The following AXDND1 variants were observed in gnomAD, a reference collection of about 807,000 sequenced individuals.
AXDND1 encodes the protein axonemal dynein light chain domain-containing protein 1.
In AXDND1, 110 loss-of-function variants were observed where a neutral mutation model predicts 137.5. The observed-to-expected ratio is 0.80, with a 90% CI of 0.69 to 0.94. AXDND1 has a LOEUF of 0.94. AXDND1 is among the 40% of genes least tolerant of loss of function. The probability of loss-of-function intolerance (pLI) is 0.00; values close to 1 mark genes in which losing one functional copy is unlikely to be tolerated. For missense variants in AXDND1, 1,191 were observed against 1,169.8 expected, an observed-to-expected ratio of 1.02 and a Z score of -0.26; for synonymous variants, 414 against 399.7, an observed-to-expected ratio of 1.04 and a Z score of -0.43.
intron 20 of AXDND1, among the ~76,000 whole-genome samples, chr1:179,496,861 T>A (rs1291446742): frequency 6.6e-6 from 1 of 152,134 alleles, no homozygotes; most frequent in East Asian, 1.9e-4. Flanking sequence ...ACTTTCTGTT[T>A]TAGCTGCATC....
At chr1:179,413,189 ACAAT>A (rs34148402) in intron 12 of AXDND1, among the ~76,000 whole-genome samples, 50,037 of 151,836 alleles carry the variant, frequency 0.33, 8,642 homozygotes, top group Middle Eastern at 0.43. Context: ...TACCCTCATG[ACAAT>A]CAAGGTAATA....
intron 15 of AXDND1, among the ~76,000 whole-genome samples, chr1:179,435,757 C>G (rs1447887154): frequency 6.6e-6 from 1 of 152,092 alleles, no homozygotes; most frequent in Non-Finnish European, 1.5e-5. Flanking sequence ...CTAGGCAATA[C>G]CATTCAGGAC....
At chr1:179,509,239 G>A in intron 20 of AXDND1, 57 bp from the exon 21 acceptor site, 1 of 1,053,584 alleles carries the variant, frequency 9.5e-7, no homozygotes, top group Non-Finnish European at 1.5e-6. Flanking sequence ...TTCCTCAATA[G>A]CGGTGAGTGA....
intron 16 of AXDND1, chr1:179,456,899 G>T (rs1347032432): frequency 2.3e-5 from 23 of 1,015,178 alleles, no homozygotes; most frequent in Non-Finnish European, 3.5e-5. Flanking sequence ...CAAAGGCAAA[G>T]CCTCTTTTCT....
At chr1:179,520,935 T>C (rs1260434763) in intron 21 of AXDND1, among the ~76,000 whole-genome samples, 1 of 107,386 alleles carries the variant, frequency 9.3e-6, no homozygotes, top group East Asian at 2.9e-4. Flanking sequence ...ATATAATCAA[T>C]TTCTGTATTT....
intron 4 of AXDND1, among the ~76,000 whole-genome samples, chr1:179,374,967 T>A (rs899810577): frequency 6.6e-6 from 1 of 151,064 alleles, no homozygotes; most frequent in Non-Finnish European, 1.5e-5. Flanking sequence ...CCCTAGAACT[T>A]AAAGTATAAT....
intron 15 of AXDND1, among the ~76,000 whole-genome samples, chr1:179,437,848 A>G (rs552249153): frequency 2.0e-5 from 3 of 152,252 alleles, no homozygotes; most frequent in East Asian, 3.9e-4. Context: ...TTGTTTTGCA[A>G]TTCACCAATA....
chr1:179,514,864 C>G (rs961580241), intron 21 of AXDND1, among the ~76,000 whole-genome samples: 2 of 152,108 alleles, frequency 1.3e-5, no homozygotes, highest in African/African-American at 4.8e-5. Context: ...TTTGTTTTGT[C>G]TGATATAAGA....
Position 179,379,427 on chromosome 1 carries a change from G to A in AXDND1, c.526G>A (p.Glu176Lys). ...PKTLTDTLIP[E>K]EFHIVSSTGV... ...GACACTAACAGATACTTTGATTCCT[G>A]AAGAATTTCATATTGTGTCAAGTAC... Residue 176 changes from glutamate (E) to lysine (K), a missense_variant, in exon 6 of 26, where the codon GAA becomes AAA. Physicochemically the swap from Glu to Lys is moderately conservative, Grantham distance 56. Transcript: ENST00000367618. 6.2e-7 allele frequency: 1 copy of A among 1,613,512 alleles called. No homozygotes were observed. The highest frequency in any genetic ancestry group is 8.5e-7 in the Non-Finnish European group (1 of 1,179,726).
intron 12 of AXDND1, among the ~76,000 whole-genome samples, chr1:179,419,646 A>AGGGAGAGGGAG (rs1655363665): frequency 2.9e-4 from 1 of 3,396 alleles, no homozygotes; most frequent in Non-Finnish European, 8.0e-4. Context: ...GGAGAGGGAG[A>AGGGAGAGGGAG]GGGGGAGGGG....
chr1:179,457,590 A>G (rs981421801), intron 16 of AXDND1, among the ~76,000 whole-genome samples: 3 of 152,150 alleles, frequency 2.0e-5, no homozygotes, highest in Non-Finnish European at 2.9e-5. Flanking sequence ...TTCGTATTTC[A>G]TATAGCCAGT....
At chr1:179,415,458 T>G (rs940797738) in intron 12 of AXDND1, among the ~76,000 whole-genome samples, 14 of 152,208 alleles carry the variant, frequency 9.2e-5, no homozygotes, top group Non-Finnish European at 1.8e-4. Context: ...ATAAACATAT[T>G]AGAAGAAATT....
intron 12 of AXDND1, among the ~76,000 whole-genome samples, chr1:179,429,044 G>T (rs1465833856): frequency 6.6e-6 from 1 of 152,096 alleles, no homozygotes; most frequent in Non-Finnish European, 1.5e-5. Context: ...AGGCATCGTG[G>T]TGGGTGCCTG....
chr1:179,491,760 G>A, intron 19 of AXDND1, 23 bp downstream of exon 19: 4 of 1,508,322 alleles, frequency 2.7e-6, no homozygotes, highest in Non-Finnish European at 3.5e-6. Flanking sequence ...TTTTATTGTT[G>A]CCCTTTTGAA....
At chr1:179,401,419 T>TA (rs1443803963) in intron 11 of AXDND1, among the ~76,000 whole-genome samples, 1 of 152,214 alleles carries the variant, frequency 6.6e-6, no homozygotes, top group African/African-American at 2.4e-5. Flanking sequence ...CATCTTGTTT[T>TA]ATATCTCTTT....
intron 21 of AXDND1, among the ~76,000 whole-genome samples, chr1:179,515,513 T>C (rs1006796195): frequency 6.6e-6 from 1 of 152,156 alleles, no homozygotes; most frequent in Non-Finnish European, 1.5e-5. Flanking sequence ...GATTCTTTTC[T>C]TCGTCTTAAC....
chr1:179,368,306 C>A (rs1050613821), intron 2 of AXDND1, among the ~76,000 whole-genome samples: 1 of 152,186 alleles, frequency 6.6e-6, no homozygotes, highest in Non-Finnish European at 1.5e-5. Flanking sequence ...CCAGTTCCAT[C>A]TTTACTTTTA....
At chr1:179,540,839 A>G (rs1672064411) in intron 25 of AXDND1, among the ~76,000 whole-genome samples, 1 of 152,212 alleles carries the variant, frequency 6.6e-6, no homozygotes, top group Non-Finnish European at 1.5e-5. Flanking sequence ...TTTTTTCTAT[A>G]AGTCCCTGAC....
intron 22 of AXDND1, among the ~76,000 whole-genome samples, chr1:179,527,130 G>A (rs1045145367): frequency 3.9e-5 from 6 of 152,158 alleles, no homozygotes; most frequent in Admixed American, 3.9e-4. Flanking sequence ...AGGGCTGCTG[G>A]TTGCCCATTT....
Sources: gnomAD v4.1 joint callset for allele counts (sites outside exome capture counted in the v4.1 genomes callset) on GRCh38, gnomAD v4.1.1 for gene constraint, MANE v1.5 for transcripts, NCBI Gene and HGNC (gene_info 2026-07-23, HGNC 2026-07-21) for gene names.